NKAIN3: variants seen among roughly 807,000 people sequenced by gnomAD.
The protein encoded by NKAIN3 is sodium/potassium transporting ATPase interacting 3, also known as sodium/potassium-transporting ATPase subunit beta-1-interacting protein 3.
NKAIN3 carries 25 observed loss-of-function variants against 30.2 expected under a neutral mutation model. That is an observed-to-expected ratio of 0.83 (90% CI 0.60 to 1.16). NKAIN3 has a LOEUF of 1.16. Ranked by LOEUF, NKAIN3 falls within the 50% of genes most tolerant of loss-of-function variation. The pLI is 0.00. For missense variants in NKAIN3, 225 were observed against 254.1 expected (o/e 0.89, Z 0.78); for synonymous variants, 91 against 89.6 (o/e 1.02, Z -0.09).
intron 1 of NKAIN3, among the ~76,000 whole-genome samples, chr8:62,415,001 A>G (rs1384911756): frequency 1.3e-5 from 2 of 148,282 alleles, no homozygotes; most frequent in Non-Finnish European, 3.0e-5. Flanking sequence ...TCTAGATGTC[A>G]TCTTACTCTT....
chr8:62,400,481 A>G (rs1460893275), intron 1 of NKAIN3, among the ~76,000 whole-genome samples: 2 of 151,994 alleles, frequency 1.3e-5, no homozygotes, highest in African/African-American at 4.8e-5. Flanking sequence ...CAAATGCTAT[A>G]TTTTCTAGAA....
intron 1 of NKAIN3, among the ~76,000 whole-genome samples, chr8:62,251,158 A>G (rs1400682253): frequency 6.6e-6 from 1 of 152,158 alleles, no homozygotes; most frequent in African/African-American, 2.4e-5. Context: ...TGAGGTAGAT[A>G]CTCATTTCAT....
intron 4 of NKAIN3, chr8:62,864,091 C>T: frequency 3.1e-6 from 2 of 648,588 alleles, no homozygotes; most frequent in Admixed American, 2.7e-5. Flanking sequence ...TCCGACGCGG[C>T]GCAAGCGGGG....
intron 1 of NKAIN3, among the ~76,000 whole-genome samples, chr8:62,408,710 G>A (rs1033996615): frequency 7.9e-5 from 12 of 152,062 alleles, no homozygotes; most frequent in African/African-American, 2.9e-4. Context: ...CTTGGTCTAA[G>A]TTAGTACACC....
At chr8:62,278,878 C>A (rs1813064255) in intron 1 of NKAIN3, among the ~76,000 whole-genome samples, 1 of 152,118 alleles carries the variant, frequency 6.6e-6, no homozygotes, top group Non-Finnish European at 1.5e-5. Context: ...ATTTATAATC[C>A]TTTGGGTATA....
chr8:62,263,414 A>G (rs368112998), intron 1 of NKAIN3, among the ~76,000 whole-genome samples: 3 of 152,166 alleles, frequency 2.0e-5, no homozygotes, highest in African/African-American at 7.2e-5. Flanking sequence ...TGTGCTTTTC[A>G]TGGCCCAAAA....
intron 4 of NKAIN3, among the ~76,000 whole-genome samples, chr8:62,811,545 T>C (rs1417294721): frequency 6.6e-6 from 1 of 152,034 alleles, no homozygotes. Context: ...ATTATTGTCA[T>C]TATTTCTTTA....
At position 62,352,744 on chromosome 8, in the gene NKAIN3, A is replaced by G. The variant is rs1281551838; in HGVS notation, c.54+103617A>G. On this transcript the variant is annotated intron_variant, in intron 1 of 6. Transcript: ENST00000623646. ...AACCACCATGAGGACACTGTACATC[A>G]TGTTATAATTACAGGTGAGCATGCG... 2.6e-5 allele frequency among the ~76,000 whole-genome samples: 4 copies of G among 152,178 alleles called. No individual in the cohort carries two copies. In the East Asian group the frequency reaches 7.7e-4, roughly 29 times the overall value.
At chr8:62,422,793 G>T (rs1318892101) in intron 1 of NKAIN3, among the ~76,000 whole-genome samples, 1 of 152,058 alleles carries the variant, frequency 6.6e-6, no homozygotes, top group African/African-American at 2.4e-5. Context: ...AGCTAAAAAG[G>T]AAATATTTGT....
chr8:62,816,654 C>G (rs1327758398), intron 4 of NKAIN3, among the ~76,000 whole-genome samples: 1 of 152,022 alleles, frequency 6.6e-6, no homozygotes, highest in Admixed American at 6.6e-5. Flanking sequence ...GGGCTTGGTG[C>G]TGGGGTCAGC....
intron 4 of NKAIN3, among the ~76,000 whole-genome samples, chr8:62,859,070 G>A (rs1820157163): frequency 6.6e-6 from 1 of 152,196 alleles, no homozygotes; most frequent in South Asian, 2.1e-4. Flanking sequence ...CCCTGGTGGT[G>A]TGGGCTCATA....
At chr8:62,371,330 A>G (rs1206516583) in intron 1 of NKAIN3, among the ~76,000 whole-genome samples, 1 of 151,928 alleles carries the variant, frequency 6.6e-6, no homozygotes, top group African/African-American at 2.4e-5. Flanking sequence ...TTGGAATACA[A>G]TGAAACTAGT....
At chr8:62,466,365 T>C (rs1806163773) in intron 1 of NKAIN3, among the ~76,000 whole-genome samples, 1 of 152,186 alleles carries the variant, frequency 6.6e-6, no homozygotes, top group African/African-American at 2.4e-5. Flanking sequence ...TTTCCTTAAT[T>C]TCATTAAAGA....
At chr8:62,918,806 G>A (rs1005487853) in intron 5 of NKAIN3, among the ~76,000 whole-genome samples, 4 of 152,118 alleles carry the variant, frequency 2.6e-5, no homozygotes, top group African/African-American at 7.2e-5. Flanking sequence ...CCATTATGCC[G>A]AGTAGACAGT....
intron 1 of NKAIN3, among the ~76,000 whole-genome samples, chr8:62,434,367 G>T (rs952564228): frequency 6.6e-6 from 1 of 152,162 alleles, no homozygotes; most frequent in Admixed American, 6.5e-5. Context: ...ATTCCTGGAT[G>T]CAGTGGCATT....
In NKAIN3 at chr8:62,365,276, G is replaced by C. The variant is rs186004377; in HGVS notation, c.54+116149G>C. On this transcript the variant is annotated intron_variant, in intron 1 of 6. Coordinates refer to ENST00000623646, the MANE Select transcript of NKAIN3 (RefSeq NM_001304533.3). ...TCTTTTGCCAGTTTCATTCTCTCCT[G>C]TCTTCCACATTGCAGCATTTGGTGT... Among the ~76,000 whole-genome samples, 212 of 152,124 alleles carry C rather than the reference G, an allele frequency of 1.4e-3. 1 individual carries two copies. The highest frequency in any genetic ancestry group is 4.7e-3 in the African/African-American group (194 of 41,488).
At chr8:62,470,803 T>C (rs1806309985) in intron 1 of NKAIN3, among the ~76,000 whole-genome samples, 1 of 152,126 alleles carries the variant, frequency 6.6e-6, no homozygotes, top group Admixed American at 6.5e-5. Flanking sequence ...TATTATTTTA[T>C]ATTCTTTGCT....
chr8:62,300,683 GT>G (rs1216957554), intron 1 of NKAIN3, among the ~76,000 whole-genome samples: 86 of 152,140 alleles, frequency 5.7e-4, no homozygotes, highest in Non-Finnish European at 1.5e-5. Flanking sequence ...TTGATGTCAA[GT>G]GAAAAAATGG....
intron 4 of NKAIN3, among the ~76,000 whole-genome samples, chr8:62,879,385 T>C (rs1586303440): frequency 6.6e-6 from 1 of 152,228 alleles, no homozygotes; most frequent in Admixed American, 6.5e-5. Flanking sequence ...TAAATTTGTT[T>C]GAGGTCATTG....
Sources: gnomAD v4.1 joint callset for allele counts (sites outside exome capture counted in the v4.1 genomes callset) on GRCh38, gnomAD v4.1.1 for gene constraint, MANE v1.5 for transcripts, NCBI Gene and HGNC (gene_info 2026-07-23, HGNC 2026-07-21) for gene names.